Variants in CAMK2D observed in about 807,000 individuals in gnomAD.
CAMK2D encodes the protein calcium/calmodulin-dependent protein kinase type II subunit delta.
In CAMK2D, 37 loss-of-function variants were observed where a neutral mutation model predicts 84.0. The observed-to-expected ratio is 0.44, with a 90% confidence interval of 0.34 to 0.58. The LOEUF is 0.58. Ranked by LOEUF, CAMK2D falls within the 20% of genes least tolerant of loss-of-function variation. CAMK2D has a pLI of 0.02. For missense variants in CAMK2D, 448 were observed against 652.5 expected, an observed-to-expected ratio of 0.69 and a Z score of 3.41; for synonymous variants, 202 against 212.5, an observed-to-expected ratio of 0.95 and a Z score of 0.43.
intron 4 of CAMK2D, among the ~76,000 whole-genome samples, chr4:113,601,883 CAAAG>C (rs893563075): frequency 6.6e-6 from 1 of 151,288 alleles, no homozygotes; most frequent in Non-Finnish European, 1.5e-5. Context: ...TTTTTGTAGA[CAAAG>C]AGTCTTGCTA....
chr4:113,717,813 A>G (rs1171414823), intron 2 of CAMK2D, among the ~76,000 whole-genome samples: 1 of 152,128 alleles, frequency 6.6e-6, no homozygotes, highest in African/African-American at 2.4e-5. Flanking sequence ...TAATATAACT[A>G]TATTAAAGTT....
chr4:113,521,138 A>G (rs545116148), intron 8 of CAMK2D, among the ~76,000 whole-genome samples: 1 of 152,324 alleles, frequency 6.6e-6, no homozygotes, highest in African/African-American at 2.4e-5. Context: ...TAGGAAAGAT[A>G]GGCTATTATT....
intron 7 of CAMK2D, among the ~76,000 whole-genome samples, chr4:113,535,005 G>A (rs903387234): frequency 1.3e-5 from 2 of 152,160 alleles, no homozygotes; most frequent in African/African-American, 4.8e-5. Flanking sequence ...AAAAACAGAC[G>A]AGATTTAAGG....
chr4:113,746,292 A>G (rs1402128481), intron 2 of CAMK2D, among the ~76,000 whole-genome samples: 1 of 152,238 alleles, frequency 6.6e-6, no homozygotes, highest in Non-Finnish European at 1.5e-5. Flanking sequence ...CAAAACATAT[A>G]CCTTAAAACC....
chr4:113,607,130 A>G (rs1254548353), intron 4 of CAMK2D, among the ~76,000 whole-genome samples: 1 of 152,132 alleles, frequency 6.6e-6, no homozygotes, highest in Non-Finnish European at 1.5e-5. Context: ...GAATGGCTAA[A>G]GAAAGCTCAA....
chr4:113,533,168 C>T (rs1233724869), intron 7 of CAMK2D, among the ~76,000 whole-genome samples: 1 of 152,062 alleles, frequency 6.6e-6, no homozygotes, highest in Non-Finnish European at 1.5e-5. Context: ...TAAATTATTA[C>T]AAACCTCTTC....
chr4:113,737,307 T>A (rs2099583469), intron 2 of CAMK2D, among the ~76,000 whole-genome samples: 1 of 152,180 alleles, frequency 6.6e-6, no homozygotes, highest in Non-Finnish European at 1.5e-5. Flanking sequence ...TATTATTCAT[T>A]CTTAAAAAGA....
At chr4:113,738,427 A>G (rs2099586028) in intron 2 of CAMK2D, among the ~76,000 whole-genome samples, 2 of 152,118 alleles carry the variant, frequency 1.3e-5, no homozygotes, top group South Asian at 4.1e-4. Flanking sequence ...ACAAGGGAGA[A>G]AGAATGTGTG....
At chr4:113,484,289 T>C (rs749930754) in intron 16 of CAMK2D, among the ~76,000 whole-genome samples, 2 of 152,138 alleles carry the variant, frequency 1.3e-5, no homozygotes, top group Non-Finnish European at 2.9e-5. Context: ...ACTTCTCTTA[T>C]AGATGACTAG....
intron 2 of CAMK2D, among the ~76,000 whole-genome samples, chr4:113,735,286 C>T (rs938442428): frequency 3.0e-5 from 2 of 67,524 alleles, no homozygotes; most frequent in East Asian, 4.1e-4. Flanking sequence ...ACCATCTCTA[C>T]AGGAAAAAAA....
chr4:113,673,355 C>A (rs1216067023), intron 2 of CAMK2D, among the ~76,000 whole-genome samples: 1 of 152,166 alleles, frequency 6.6e-6, no homozygotes, highest in Non-Finnish European at 1.5e-5. Context: ...ATGCTTCCAA[C>A]AATTGCAAGA....
chr4:113,587,968 A>C (rs2098841711), intron 4 of CAMK2D, among the ~76,000 whole-genome samples: 1 of 152,144 alleles, frequency 6.6e-6, no homozygotes, highest in Admixed American at 6.6e-5. Flanking sequence ...GGCAGAAAAT[A>C]TTTCTTTCTG....
chr4:113,641,193 C>A (rs1303753791), intron 3 of CAMK2D, among the ~76,000 whole-genome samples: 1 of 152,146 alleles, frequency 6.6e-6, no homozygotes, highest in East Asian at 1.9e-4. Flanking sequence ...GCTTTCACAG[C>A]TTTGAGCAGA....
intron 2 of CAMK2D, among the ~76,000 whole-genome samples, chr4:113,703,961 G>C: frequency 7.7e-6 from 1 of 129,280 alleles, no homozygotes; most frequent in African/African-American, 2.9e-5. Flanking sequence ...GGTACTTCAT[G>C]TGGCAAAATG....
chr4:113,619,353 C>T (rs967070754), intron 3 of CAMK2D, among the ~76,000 whole-genome samples: 1 of 152,146 alleles, frequency 6.6e-6, no homozygotes, highest in African/African-American at 2.4e-5. Context: ...TTTACCACAG[C>T]AGCCAGAACA....
At chr4:113,627,632 C>A (rs2099073405) in intron 3 of CAMK2D, among the ~76,000 whole-genome samples, 3 of 152,136 alleles carry the variant, frequency 2.0e-5, no homozygotes, top group African/African-American at 7.2e-5. Context: ...CCTTCTTGAG[C>A]TTAGGAACTC....
At position 113,745,926 on chromosome 4, in the gene CAMK2D, C is replaced by T. The variant is rs763732406; in HGVS notation, c.160+13394G>A. Reference sequence around the variant, plus strand: ...TACAAAACAGCTGCAACATGCCACACGGGGATGGCAGGCCTTACAGCACTG... The same window carrying T: ...TACAAAACAGCTGCAACATGCCACATGGGGATGGCAGGCCTTACAGCACTG... On this transcript the variant is annotated intron_variant, in intron 2 of 20. Coordinates refer to ENST00000511664, the MANE Select transcript of CAMK2D (RefSeq NM_001321571.2). 4.8e-4 allele frequency among the ~76,000 whole-genome samples: 73 copies of T among 152,276 alleles called. 2 individuals carry two copies. The highest frequency in any genetic ancestry group is 1.6e-3 in the African/African-American group (65 of 41,546).
intron 3 of CAMK2D, among the ~76,000 whole-genome samples, chr4:113,620,365 CTTA>C (rs939678869): frequency 6.6e-6 from 1 of 152,066 alleles, no homozygotes; most frequent in Non-Finnish European, 1.5e-5. Context: ...TGATACTAGA[CTTA>C]TTATTGTACA....
chr4:113,676,530 C>T (rs1303151088), intron 2 of CAMK2D, among the ~76,000 whole-genome samples: 1 of 152,178 alleles, frequency 6.6e-6, no homozygotes, highest in Non-Finnish European at 1.5e-5. Flanking sequence ...CCCTGTCATG[C>T]TGGCCTTCTT....
Sources: allele counts gnomAD v4.1 joint callset (sites outside exome capture counted in the v4.1 genomes callset), GRCh38; gene constraint gnomAD v4.1.1; transcripts MANE v1.5; gene names NCBI Gene and HGNC (gene_info 2026-07-23, HGNC 2026-07-21).